Variants in THSD7B observed in about 807,000 individuals in gnomAD.
THSD7B encodes thrombospondin type-1 domain-containing protein 7B.
A neutral mutation model predicts 213.6 loss-of-function variants in THSD7B; 138 were observed. The observed-to-expected ratio is 0.65, with a 90% confidence interval of 0.56 to 0.74. The LOEUF is 0.74. Among genes scored for constraint, THSD7B ranks in the 30% least tolerant of loss-of-function variants. The pLI is 0.00. For synonymous variants in THSD7B, 742 were observed against 687.0 expected (o/e 1.08, Z -1.25); for missense variants, 1,931 against 1,991.5 (o/e 0.97, Z 0.58).
chr2:137,518,975 C>T (rs1235329575), intron 15 of THSD7B, among the ~76,000 whole-genome samples: 5 of 152,128 alleles, frequency 3.3e-5, no homozygotes, highest in Non-Finnish European at 4.4e-5. Flanking sequence ...GGGCTGGGCA[C>T]GGTGGCTCAC....
intron 2 of THSD7B, among the ~76,000 whole-genome samples, chr2:137,033,952 C>T (rs889692533): frequency 1.3e-5 from 2 of 151,750 alleles, no homozygotes; most frequent in Non-Finnish European, 2.9e-5. Context: ...TCCCCCTACC[C>T]CACAACAGGC....
intron 15 of THSD7B, among the ~76,000 whole-genome samples, chr2:137,471,056 A>C (rs999986823): frequency 2.6e-5 from 4 of 151,732 alleles, no homozygotes; most frequent in African/African-American, 9.7e-5. Flanking sequence ...AGTAGCTGGG[A>C]TTACAGGCAC....
intron 15 of THSD7B, among the ~76,000 whole-genome samples, chr2:137,478,499 T>A (rs1407503307): frequency 6.6e-6 from 1 of 152,212 alleles, no homozygotes; most frequent in Non-Finnish European, 1.5e-5. Flanking sequence ...ATTGTTTATC[T>A]CATTTGTCTT....
chr2:137,431,018 TA>T (rs1241249227), intron 14 of THSD7B, among the ~76,000 whole-genome samples: 1 of 152,150 alleles, frequency 6.6e-6, no homozygotes, highest in African/African-American at 2.4e-5. Flanking sequence ...TCAAACTCTA[TA>T]AAATATTTGA....
chr2:136,845,943 C>T (rs1301813484), intron 1 of THSD7B, among the ~76,000 whole-genome samples: 1 of 152,188 alleles, frequency 6.6e-6, no homozygotes, highest in Non-Finnish European at 1.5e-5. Flanking sequence ...TGGGATCATT[C>T]CCGTGACTGG....
Position 137,559,415 on chromosome 2 carries a change from C to T in THSD7B, c.3139-3806C>T, listed in dbSNP as rs376901750. Among the ~76,000 whole-genome samples the T allele has an allele frequency of 2.0e-5, 3 of 152,144 alleles. No homozygotes were observed. The South Asian group carries it at 6.2e-4, about 32-fold the overall frequency. Reference sequence around the variant, plus strand: ...AGCCCTCAGAGATAATACCACACATCTACAACTATCTGATTTTTGACAAAC... The same window carrying T: ...AGCCCTCAGAGATAATACCACACATTTACAACTATCTGATTTTTGACAAAC... On this transcript the variant is annotated intron_variant, in intron 15 of 27. Transcript: ENST00000409968.
intron 16 of THSD7B, among the ~76,000 whole-genome samples, chr2:137,567,264 G>A (rs1681258402): frequency 6.6e-6 from 1 of 151,754 alleles, no homozygotes; most frequent in Non-Finnish European, 1.5e-5. Context: ...TGCCTCCCAA[G>A]TTGAAGTAAT....
Position 137,642,327 on chromosome 2 carries a change from T to C in THSD7B, c.3800-161T>C, listed in dbSNP as rs1682954496. On this transcript the variant is annotated intron_variant, in intron 20 of 27. Transcript: ENST00000409968. ...TGAAAACCTAGATAGCCTGTGTCTC[T>C]GTGGAACTCTAAATGAAAATGACAG... 3 of 803,464 alleles carry C rather than the reference T, an allele frequency of 3.7e-6. No homozygotes were observed. The South Asian group carries it at 5.9e-5, about 16-fold the overall frequency. The allele number at this position is 803,464 out of a possible 1,614,324, so 49.8% of individuals were successfully genotyped here. A position where few individuals can be genotyped will look rare whatever the true frequency, so the allele number is the denominator to read the frequency against.
intron 17 of THSD7B, among the ~76,000 whole-genome samples, chr2:137,578,937 G>T (rs140128356): frequency 6.6e-6 from 1 of 152,082 alleles, no homozygotes; most frequent in African/African-American, 2.4e-5. Flanking sequence ...GTCATTTAAC[G>T]TTTGCATAAT....
chr2:137,548,647 C>T (rs1366678205), intron 15 of THSD7B, among the ~76,000 whole-genome samples: 4 of 152,012 alleles, frequency 2.6e-5, no homozygotes, highest in African/African-American at 9.7e-5. Context: ...ATTCTGTACA[C>T]GTCATGGCCC....
rs1360239886 is a variant in THSD7B at position 137,620,622 on chromosome 2, A to C, written c.3695A>C (p.Lys1232Thr). 6.2e-7 allele frequency: 1 copy of C among 1,613,514 alleles called. No individual in the cohort carries two copies. Among genetic ancestry groups the C allele is most frequent in the Admixed American group, 1.7e-5 (1 of 59,952 alleles). The change falls in exon 20 of 28, where the codon AAG becomes ACG. Residue 1232 changes from lysine to threonine, a missense_variant. Physicochemically the swap from Lys to Thr is moderately conservative, Grantham distance 78. Coordinates refer to ENST00000409968, the MANE Select transcript of THSD7B (RefSeq NM_001316349.2). ...TTCCATTTGCAGCATAATTTGGAGA[A>C]GCCCCAGAGAATGAGCATTCCCTGC... ...MDQCEQHNLE[K>T]PQRMSIPCLV...
Position 137,563,369 on chromosome 2 carries a change from A to T in THSD7B, c.3272+15A>T. The T allele has an allele frequency of 6.2e-7, 1 of 1,612,150 alleles. No homozygotes were observed. ...AGGAAAATCAGGTGTGTGAAAATGGAGAGATTTGGGAAATAGGGGGAAGTG... is the reference window on the plus strand; with the variant it reads ...AGGAAAATCAGGTGTGTGAAAATGGTGAGATTTGGGAAATAGGGGGAAGTG... On this transcript the variant is annotated intron_variant, in intron 16 of 27. Transcript: ENST00000409968.
At chr2:137,183,933 C>T (rs78732511) in intron 7 of THSD7B, among the ~76,000 whole-genome samples, 1,676 of 152,200 alleles carry the variant, frequency 0.011, 37 homozygotes, top group African/African-American at 0.038. Flanking sequence ...TGTTCTCTAG[C>T]GGTTTTGATT....
At chr2:136,832,175 T>TTGTGTG (rs376949671) in intron 1 of THSD7B, among the ~76,000 whole-genome samples, 82 of 72,984 alleles carry the variant, frequency 1.1e-3, no homozygotes, top group South Asian at 6.9e-3. Flanking sequence ...ATACATCCTA[T>TTGTGTG]TGTGTGTGTG....
At chr2:137,123,198 A>G (rs1345005616) in intron 5 of THSD7B, among the ~76,000 whole-genome samples, 2 of 152,050 alleles carry the variant, frequency 1.3e-5, no homozygotes, top group Admixed American at 1.3e-4. Context: ...ATGAAACACC[A>G]TGTCGTGGTG....
intron 2 of THSD7B, among the ~76,000 whole-genome samples, chr2:136,998,147 G>A (rs550487167): frequency 4.6e-5 from 7 of 151,216 alleles, no homozygotes; most frequent in Non-Finnish European, 1.0e-4. Context: ...GCTACTCTTA[G>A]GATGCCATTC....
chr2:136,771,032 A>G (rs1681496597), intron 1 of THSD7B, among the ~76,000 whole-genome samples: 1 of 152,096 alleles, frequency 6.6e-6, no homozygotes, highest in East Asian at 1.9e-4. Context: ...AAATTCTTCT[A>G]CCTCACAGCT....
intron 12 of THSD7B, among the ~76,000 whole-genome samples, chr2:137,394,781 T>C (rs948179302): frequency 1.9e-4 from 26 of 137,252 alleles, no homozygotes; most frequent in African/African-American, 7.2e-4. Flanking sequence ...ATATTGATTC[T>C]TCCTACCCAT....
chr2:137,572,475 C>T lies in THSD7B; in HGVS notation c.3342C>T (p.Pro1114=), dbSNP rs1264062147. The part of the protein sequence containing the change: ...DSNLCNQDEI[P]PETQSCSLMC... ...ACCTGTGCAACCAGGATGAAATTCC[C>T]CCAGAAACCCAGTCCTGTTCTCTTA... The change falls in exon 17 of 28, where the codon CCC becomes CCT. Residue 1114 remains proline (P), a synonymous_variant. Coordinates refer to ENST00000409968, the MANE Select transcript of THSD7B (RefSeq NM_001316349.2). The T allele has an allele frequency of 1.4e-5, 22 of 1,613,832 alleles. No homozygotes were observed. Among genetic ancestry groups the T allele is most frequent in the Non-Finnish European group, 1.7e-5 (20 of 1,179,852 alleles).
Sources: allele counts gnomAD v4.1 joint callset (sites outside exome capture counted in the v4.1 genomes callset), GRCh38; gene constraint gnomAD v4.1.1; transcripts MANE v1.5; gene names NCBI Gene and HGNC (gene_info 2026-07-23, HGNC 2026-07-21).